Variants in PDXDC1 observed in about 807,000 individuals in gnomAD.
The protein encoded by PDXDC1 is pyridoxal-dependent decarboxylase domain-containing protein 1.
Under a neutral mutation model 100.1 loss-of-function variants are expected in PDXDC1, and 42 were observed. That is an observed-to-expected ratio of 0.42 (90% confidence interval 0.33 to 0.54). The LOEUF (loss-of-function observed/expected upper bound fraction) is 0.54. Ranked by LOEUF, PDXDC1 falls within the 20% of genes least tolerant of loss-of-function variation. PDXDC1 has a pLI of 0.10. For missense variants in PDXDC1, 636 were observed against 979.2 expected, an observed-to-expected ratio of 0.65 and a Z score of 4.68; for synonymous variants, 260 against 371.7, an observed-to-expected ratio of 0.70 and a Z score of 3.46.
At chr16:15,043,487 A>T (rs749640621) in intron 16 of PDXDC1, among the ~76,000 whole-genome samples, 3 of 152,206 alleles carry the variant, frequency 2.0e-5, no homozygotes, top group Non-Finnish European at 4.4e-5. Flanking sequence ...GGCTGCAGTG[A>T]GCCATGATGG....
chr16:15,106,784 G>A (rs1173797829), intron 16 of PDXDC1, among the ~76,000 whole-genome samples: 5 of 87,546 alleles, frequency 5.7e-5, no homozygotes, highest in African/African-American at 1.4e-4. Flanking sequence ...CAAAAAAACT[G>A]TACAGTCTGA....
intron 16 of PDXDC1, chr16:15,056,032 G>GGCCGCCC (rs1245133902): frequency 3.6e-6 from 3 of 823,534 alleles, no homozygotes; most frequent in Non-Finnish European, 3.1e-6. Flanking sequence ...TGCAGCCCCG[G>GGCCGCCC]GCCGCCCGCC....
At chr16:15,148,370 A>ATTTTTTTTTTTTTTTTTTTTTTTT in the PDXDC1 span, among the ~76,000 whole-genome samples, 1 of 34,118 alleles carries the variant, frequency 2.9e-5, no homozygotes. Flanking sequence ...AGATCCTGTG[A>ATTTTTTTTTTTTTTTTTTTTTTTT]TTTTTTTTTT....
At chr16:15,135,188 G>A (rs868210593) in intron 16 of PDXDC1, 12 of 812,968 alleles carry the variant, frequency 1.5e-5, no homozygotes, top group African/African-American at 6.6e-5. Context: ...AAGAGCGCGC[G>A]GCCTCCACCA....
chr16:15,084,793 C>T (rs1321121415), intron 16 of PDXDC1: 5 of 911,038 alleles, frequency 5.5e-6, no homozygotes, highest in Non-Finnish European at 9.0e-6. Context: ...TGGCTGGGCA[C>T]AGTGGCTCAC....
intron 6 of PDXDC1, among the ~76,000 whole-genome samples, chr16:15,008,508 A>G (rs1468683220): frequency 4.6e-5 from 7 of 152,244 alleles, no homozygotes; most frequent in African/African-American, 1.7e-4. Context: ...TGTTTCTGGT[A>G]TATTCTAGAA....
intron 1 of PDXDC1, among the ~76,000 whole-genome samples, chr16:14,992,934 C>T (rs1475729868): frequency 6.6e-6 from 1 of 152,092 alleles, no homozygotes; most frequent in African/African-American, 2.4e-5. Context: ...TTACTGTAGC[C>T]TCAAACTCCC....
chr16:15,135,926 C>T (rs1003940908), intron 16 of PDXDC1: 50 of 1,581,998 alleles, frequency 3.2e-5, no homozygotes, highest in African/African-American at 8.0e-5. Flanking sequence ...CAGCTGAGGC[C>T]GGCTCACGTC....
At chr16:15,051,620 A>C (rs1382462331) in intron 16 of PDXDC1, among the ~76,000 whole-genome samples, 1 of 152,066 alleles carries the variant, frequency 6.6e-6, no homozygotes, top group Admixed American at 6.6e-5. Flanking sequence ...CAGTAGCTGG[A>C]ACCACAGGCG....
intron 1 of PDXDC1, among the ~76,000 whole-genome samples, chr16:14,984,993 G>C (rs2151199793): frequency 6.6e-6 from 1 of 152,300 alleles, no homozygotes; most frequent in Admixed American, 6.5e-5. Flanking sequence ...TCCTGCCTCA[G>C]CTTCCTGAGT....
intron 16 of PDXDC1, chr16:15,135,159 G>A (rs903808620): frequency 7.2e-6 from 6 of 835,400 alleles, no homozygotes; most frequent in Non-Finnish European, 1.2e-5. Context: ...CGTAGAATTT[G>A]CATCAGAAAC....
chr16:15,077,297 C>A (rs1315960790), intron 16 of PDXDC1, among the ~76,000 whole-genome samples: 1 of 152,088 alleles, frequency 6.6e-6, no homozygotes, highest in Non-Finnish European at 1.5e-5. Context: ...CATCTTGAAT[C>A]GTACTCCTCC....
chr16:15,000,838 G>T (rs1972982924), intron 3 of PDXDC1, among the ~76,000 whole-genome samples: 1 of 150,802 alleles, frequency 6.6e-6, no homozygotes, highest in Admixed American at 6.6e-5. Context: ...TATACCAGTG[G>T]CATTGGAGTG....
At chr16:15,072,047 A>G (rs1027612748) in intron 16 of PDXDC1, among the ~76,000 whole-genome samples, 13 of 152,140 alleles carry the variant, frequency 8.5e-5, no homozygotes, top group African/African-American at 2.9e-4. Flanking sequence ...TATGCCAATC[A>G]TGGAAAAAAA....
At chr16:14,987,339 G>C (rs1291837257) in intron 1 of PDXDC1, among the ~76,000 whole-genome samples, 2 of 152,292 alleles carry the variant, frequency 1.3e-5, no homozygotes, top group Non-Finnish European at 2.9e-5. Context: ...TTGCCCAGTG[G>C]TTAAGAGCAC....
intron 16 of PDXDC1, among the ~76,000 whole-genome samples, chr16:15,117,536 T>C (rs543050910): frequency 2.6e-5 from 4 of 151,246 alleles, no homozygotes; most frequent in African/African-American, 9.7e-5. Context: ...CTACTAAAAA[T>C]ACACAAATTA....
At chr16:15,064,399 T>G (rs1380637391) in intron 16 of PDXDC1, among the ~76,000 whole-genome samples, 1 of 152,152 alleles carries the variant, frequency 6.6e-6, no homozygotes, top group Non-Finnish European at 1.5e-5. Flanking sequence ...GGTCTTGAAC[T>G]CCTGACTTCA....
chr16:15,100,460 G>C (rs1371383959), intron 16 of PDXDC1, among the ~76,000 whole-genome samples: 1 of 152,170 alleles, frequency 6.6e-6, no homozygotes, highest in East Asian at 1.9e-4. Flanking sequence ...ATACAAAGCA[G>C]TTTCTTAGAT....
At chr16:15,104,315 A>G in intron 16 of PDXDC1, 3 of 1,521,484 alleles carry the variant, frequency 2.0e-6, no homozygotes, top group Non-Finnish European at 2.6e-6. Context: ...TGCAGTATTC[A>G]TTTTATTTTT....
Sources: gnomAD v4.1 joint callset for allele counts (sites outside exome capture counted in the v4.1 genomes callset) on GRCh38, gnomAD v4.1.1 for gene constraint, MANE v1.5 for transcripts, NCBI Gene and HGNC (gene_info 2026-07-23, HGNC 2026-07-21) for gene names.